The following HMCN2 variants were observed in gnomAD, a reference collection of about 807,000 sequenced individuals.
HMCN2 encodes hemicentin 2.
In HMCN2, 325 loss-of-function variants were observed where a neutral mutation model predicts 377.5. The ratio of observed to expected loss-of-function variants is 0.86; its 90% CI spans 0.79 to 0.94. The LOEUF is 0.94. Among genes scored for constraint, HMCN2 ranks in the 40% least tolerant of loss-of-function variants. The pLI is 0.00. For synonymous variants in HMCN2, 2,007 were observed against 2,046.8 expected, an observed-to-expected ratio of 0.98 and a Z score of 0.53; for missense variants, 4,543 against 4,725.3, an observed-to-expected ratio of 0.96 and a Z score of 1.13.
chr9:130,300,024 C>G (rs146117276), intron 8 of HMCN2, among the ~76,000 whole-genome samples: 1 of 151,858 alleles, frequency 6.6e-6, no homozygotes, highest in Non-Finnish European at 1.5e-5. Context: ...CCCATTCATG[C>G]ATCCATCCAC....
At position 130,347,601 on chromosome 9, in the gene HMCN2, G is replaced by A. The variant is rs959277782; in HGVS notation, c.4024+241G>A. On this transcript the variant is annotated intron_variant, in intron 26 of 97. Transcript: ENST00000683500. This position sits in a 1 kb window ranked among gnomAD's most constrained non-coding sequence, Gnocchi z 5.1. ...CAGGGAGGGCTTGAGGGGGCTGGGA[G>A]AGTGGCAGGTTGCACTGTACACCCC... Among the ~76,000 whole-genome samples the A allele has an allele frequency of 4.6e-5, 7 of 152,180 alleles. No homozygotes were observed. The highest frequency in any genetic ancestry group is 1.4e-4 in the African/African-American group (6 of 41,436).
At chr9:130,358,524 T>C (rs1182632674) in intron 36 of HMCN2, 38 bp downstream of exon 36, 11 of 1,304,072 alleles carry the variant, frequency 8.4e-6, no homozygotes, top group Non-Finnish European at 1.1e-5. Context: ...CAGGCCAGCA[T>C]GTTGGGTGAT....
Position 130,428,802 on chromosome 9 carries a change from C to T in HMCN2, c.14197+313C>T, listed in dbSNP as rs885063. Among the ~76,000 whole-genome samples the T allele has an allele frequency of 0.23, 35,226 of 152,178 alleles. 4,958 individuals are homozygous for T. Among genetic ancestry groups the T allele is most frequent in the Middle Eastern group, 0.37 (110 of 294 alleles). ...AACACATGCTCCCTCTGCTGCCATCCGTTCTGTTCCCCCATATGAATCAAG... is the reference window on the plus strand; with the variant it reads ...AACACATGCTCCCTCTGCTGCCATCTGTTCTGTTCCCCCATATGAATCAAG... On this transcript the variant is annotated intron_variant, in intron 93 of 97. Coordinates refer to ENST00000683500, the MANE Select transcript of HMCN2 (RefSeq NM_001291815.2). This position sits in a 1 kb window ranked among gnomAD's most constrained non-coding sequence, Gnocchi z 5.0.
At position 130,344,362 on chromosome 9, in the gene HMCN2, GGT is replaced by G. The variant is rs1248933462; in HGVS notation, c.3829+1938_3829+1939del. ...TATGTGATGTGTGTATGTAGTATGT[GGT>G]GTGTGTGTGTGGTGTTTGGCATGTA... On this transcript the variant is annotated intron_variant, in intron 25 of 97. Coordinates refer to ENST00000683500, the MANE Select transcript of HMCN2 (RefSeq NM_001291815.2). Among the ~76,000 whole-genome samples, 641 of 151,444 alleles carry G rather than the reference GGT, an allele frequency of 4.2e-3. 7 individuals carry two copies. The highest frequency in any genetic ancestry group is 0.014 in the African/African-American group (578 of 41,246).
At chr9:130,433,223 G>A (rs1046106114) in intron 97 of HMCN2, 125 bp from the exon 98 acceptor site, 5 of 706,968 alleles carry the variant, frequency 7.1e-6, no homozygotes, top group African/African-American at 1.9e-5. Flanking sequence ...GGGCTCTGCG[G>A]GAGAAGGACG....
chr9:130,376,682 G>A, intron 52 of HMCN2, 24 bp downstream of exon 52: 2 of 985,748 alleles, frequency 2.0e-6, no homozygotes, highest in Non-Finnish European at 1.2e-6. Context: ...CCCCTGCGCA[G>A]CTTCTGGCTC....
Position 130,361,410 on chromosome 9 carries a change from A to T in HMCN2, c.5951-598A>T, listed in dbSNP as rs2131564913. On this transcript the variant is annotated intron_variant, in intron 38 of 97. Transcript: ENST00000683500. This position sits in a 1 kb window ranked among gnomAD's most constrained non-coding sequence, Gnocchi z 4.8. ...GAATTTGAGAAACTGAAAGGAGGCC[A>T]CGGGGCCTGGGATTTACAACACTGA... Among the ~76,000 whole-genome samples, 1 of 152,336 alleles carries T rather than the reference A, an allele frequency of 6.6e-6. No individual in the cohort carries two copies. The highest frequency in any genetic ancestry group is 3.4e-3 in the Middle Eastern group (1 of 294).
At position 130,372,278 on chromosome 9, in the gene HMCN2, G is replaced by A. The variant is rs548728037; in HGVS notation, c.7238-16G>A. 8.6e-5 allele frequency: 83 copies of A among 968,262 alleles called. No individual in the cohort carries two copies. In the African/African-American group the frequency reaches 1.2e-3, roughly 14 times the overall value. The allele number at this position is 968,262 out of a possible 1,614,324, so 60.0% of individuals were successfully genotyped here. A position where few individuals can be genotyped will look rare whatever the true frequency, so the allele number is the denominator to read the frequency against. ...GCTCAGAGCCATGCTTGGGGCCCAC[G>A]CCCCTCCCTCCCCAGGTGGCTGGAT... On this transcript the variant is annotated splice_polypyrimidine_tract_variant and intron_variant, in intron 46 of 97. Transcript: ENST00000683500.
chr9:130,425,077 G>C lies in HMCN2; in HGVS notation c.13588G>C (p.Val4530Leu). Residue 4530 changes from valine to leucine, a missense_variant, in exon 89 of 98, where the codon GTG becomes CTG. Physicochemically the swap from Val to Leu is conservative, Grantham distance 32. Transcript: ENST00000683500. Reference sequence around the variant, plus strand: ...CGATGGCCTCCTGCTCCTCGACGTGGTGGTCAATGGCGTTGTCCCCGAGAG... The same window carrying C: ...CGATGGCCTCCTGCTCCTCGACGTGCTGGTCAATGGCGTTGTCCCCGAGAG... ...DPDGLLLLDV[V>L]VNGVVPESLA... is the part of the protein sequence containing the mutation. 6.5e-7 allele frequency: 1 copy of C among 1,550,154 alleles called. No individual in the cohort carries two copies. The highest frequency in any genetic ancestry group is 8.7e-7 in the Non-Finnish European group (1 of 1,146,890).
At chr9:130,307,283 G>A (rs1836926507) in intron 13 of HMCN2, among the ~76,000 whole-genome samples, 170 bp from the exon 14 acceptor site, 1 of 152,138 alleles carries the variant, frequency 6.6e-6, no homozygotes, top group Admixed American at 6.5e-5. Context: ...TGGGAACAGG[G>A]TCATAGGTGG....
Position 130,428,535 on chromosome 9 carries a change from A to G in HMCN2, c.14197+46A>G, listed in dbSNP as rs951721940. The G allele has an allele frequency of 2.6e-6, 4 of 1,531,086 alleles. No homozygotes were observed. Among genetic ancestry groups the G allele is most frequent in the Non-Finnish European group, 3.5e-6 (4 of 1,143,314 alleles). The allele number at this position is 1,531,086 out of a possible 1,614,324, so 94.8% of individuals were successfully genotyped here. Reference sequence around the variant, plus strand: ...GGCCTGTCCATACTCCTGGAAACCCAGAGGTTGCCAGGGATCAGCTGACAG... The same window carrying G: ...GGCCTGTCCATACTCCTGGAAACCCGGAGGTTGCCAGGGATCAGCTGACAG... On this transcript the variant is annotated intron_variant, in intron 93 of 97. Coordinates refer to ENST00000683500, the MANE Select transcript of HMCN2 (RefSeq NM_001291815.2). The surrounding 1 kb of genome is among the most constrained non-coding windows in gnomAD (Gnocchi z 5.0).
Position 130,265,925 on chromosome 9 carries a change from CGGCAG to C in HMCN2, c.48_52del (p.Ala17GlyfsTer96). Reference sequence around the variant, plus strand: ...CTGCGGCTGCTGACCGCGGTCTCTGCGGCAGTGGCAGTGGCAGTGGCCGGGGCGCC... The same window carrying C: ...CTGCGGCTGCTGACCGCGGTCTCTGCTGGCAGTGGCAGTGGCCGGGGCGCC... On this transcript the variant is annotated frameshift_variant, in exon 1 of 98. Coordinates refer to ENST00000683500, the MANE Select transcript of HMCN2 (RefSeq NM_001291815.2). LOFTEE classifies it high-confidence loss of function. 1 of 428,028 alleles carries C rather than the reference CGGCAG, an allele frequency of 2.3e-6. No homozygotes were observed. The highest frequency in any genetic ancestry group is 2.6e-5 in the Admixed American group (1 of 39,030). 26.5% of individuals were successfully genotyped at this position (428,028 alleles called of 1,614,324 possible).
In HMCN2 at chr9:130,431,349, C is replaced by G; in HGVS notation, c.14648-18C>G. On this transcript the variant is annotated intron_variant, in intron 95 of 97. Transcript: ENST00000683500. ...CTGCCCCCATCCCCCACCTGCCCCA[C>G]CCCCATGCCCGGGCCAGACCTTGAC... 1 of 1,547,192 alleles carries G rather than the reference C, an allele frequency of 6.5e-7. No homozygotes were observed. The highest frequency in any genetic ancestry group is 8.7e-7 in the Non-Finnish European group (1 of 1,145,432).
At chr9:130,413,991 C>CAAAAAAA (rs33963612) in intron 85 of HMCN2, among the ~76,000 whole-genome samples, 1 of 137,084 alleles carries the variant, frequency 7.3e-6, no homozygotes. Flanking sequence ...ACCAAAAATA[C>CAAAAAAA]AAAAAAAAAA....
At chr9:130,348,307 C>G (rs1431110071) in intron 26 of HMCN2, among the ~76,000 whole-genome samples, 3 of 152,204 alleles carry the variant, frequency 2.0e-5, no homozygotes, top group Non-Finnish European at 4.4e-5. Flanking sequence ...CCTTGCAAAG[C>G]TGAGAGTCAG....
chr9:130,347,212 G>C lies in HMCN2; in HGVS notation c.3876G>C (p.Glu1292Asp), dbSNP rs1033254309. The C allele has an allele frequency of 6.6e-6, 1 of 152,322 alleles. No homozygotes were observed. The highest frequency in any genetic ancestry group is 2.4e-5 in the African/African-American group (1 of 41,448). The allele number at this position is 152,322 out of a possible 1,614,324, so 9.4% of individuals were successfully genotyped here. A position where few individuals can be genotyped will look rare whatever the true frequency, so the allele number is the denominator to read the frequency against. ...CATGGAGGAAGGGCCCGTCCTCGGA[G>C]CCCCTGCATGGCCAGCCAGGTGTGG... ...QVTWRKGPSS[E>D]PLHGQPGVAV... Residue 1292 changes from glutamate to aspartate, a missense_variant, in exon 26 of 98, where the codon GAG (glutamate) becomes GAC (aspartate). Around this residue, in one of 5 missense-constraint regions of HMCN2, gnomAD observed 547 missense variants for 189.9 expected, o/e 2.88. Transcript: ENST00000683500. The surrounding 1 kb of genome is among the most constrained non-coding windows in gnomAD (Gnocchi z 5.1).
At chr9:130,359,548 C>A in intron 37 of HMCN2, 134 bp downstream of exon 37, 1 of 371,586 alleles carries the variant, frequency 2.7e-6, no homozygotes, top group Non-Finnish European at 5.3e-6. Context: ...CCGTTTCTCT[C>A]ATGTTCCTCT....
At chr9:130,364,163 G>A (rs189962654) in intron 40 of HMCN2, among the ~76,000 whole-genome samples, 198 of 152,284 alleles carry the variant, frequency 1.3e-3, no homozygotes, top group African/African-American at 4.4e-3. Flanking sequence ...ACCTCATGGC[G>A]GCCCCATCAG....
intron 81 of HMCN2, 27 bp from the exon 82 acceptor site, chr9:130,405,928 C>G: frequency 7.9e-7 from 1 of 1,270,312 alleles, no homozygotes; most frequent in Non-Finnish European, 1.0e-6. Flanking sequence ...GGGCAGTTCT[C>G]CGGCCAACCC....
Sources: allele counts gnomAD v4.1 joint callset (sites outside exome capture counted in the v4.1 genomes callset), GRCh38; gene constraint gnomAD v4.1.1; regional missense constraint gnomAD v4.1.1; non-coding constraint Gnocchi (gnomAD v3.1); transcripts MANE v1.5; gene names NCBI Gene and HGNC (gene_info 2026-07-23, HGNC 2026-07-21).